The following SETBP1 variants were observed in gnomAD, a reference collection of about 807,000 sequenced individuals.
The protein encoded by SETBP1 is SET binding protein 1, also known as SET-binding protein.
In SETBP1, 9 loss-of-function variants were observed where a neutral mutation model predicts 101.0. That is an observed-to-expected ratio of 0.09 (90% confidence interval 0.05 to 0.16). The LOEUF (loss-of-function observed/expected upper bound fraction) is 0.16. Among genes scored for constraint, SETBP1 ranks in the 10% least tolerant of loss-of-function variants. The pLI is 1.00. For synonymous variants in SETBP1, 818 were observed against 788.5 expected (o/e 1.04, Z -0.63); for missense variants, 1,858 against 2,033.8 (o/e 0.91, Z 1.66).
intron 2 of SETBP1, among the ~76,000 whole-genome samples, chr18:44,722,253 G>C (rs2069616487): frequency 6.6e-6 from 1 of 152,146 alleles, no homozygotes; most frequent in African/African-American, 2.4e-5. Flanking sequence ...GGAATCCTGG[G>C]AACCTGTTTA....
At chr18:44,805,073 G>A (rs956998519) in intron 2 of SETBP1, among the ~76,000 whole-genome samples, 4 of 151,910 alleles carry the variant, frequency 2.6e-5, no homozygotes, top group African/African-American at 9.7e-5. Flanking sequence ...CTGGACTCAA[G>A]CTTCTCCCAA....
intron 1 of SETBP1, among the ~76,000 whole-genome samples, chr18:44,698,088 A>C (rs539777981): frequency 6.6e-6 from 1 of 152,340 alleles, no homozygotes; most frequent in South Asian, 2.1e-4. Context: ...GATCAGTATG[A>C]AAAGTCTGGA....
Position 44,909,529 on chromosome 18 carries a change from C to T in SETBP1, c.540+40246C>T, listed in dbSNP as rs1012990118. The stretch of plus-strand genomic sequence containing the variant: ...AGGAGGGAGTATCGTACCAATTCTG[C>T]TGCTAGGCTCAGAGTAGTCTAAAGC... On this transcript the variant is annotated intron_variant, in intron 3 of 5. Transcript: ENST00000649279. Among the ~76,000 whole-genome samples the T allele has an allele frequency of 3.9e-5, 6 of 152,318 alleles. No homozygotes were observed. The South Asian group carries it at 6.2e-4, about 16-fold the overall frequency.
intron 3 of SETBP1, among the ~76,000 whole-genome samples, chr18:44,900,725 A>G (rs1352827764): frequency 2.0e-5 from 3 of 152,192 alleles, no homozygotes; most frequent in Admixed American, 6.5e-5. Flanking sequence ...GATTGGTCCC[A>G]GTACTGTTTT....
intron 2 of SETBP1, among the ~76,000 whole-genome samples, chr18:44,735,579 A>ACAATGG (rs1330184186): frequency 1.3e-5 from 2 of 152,204 alleles, no homozygotes; most frequent in Admixed American, 6.5e-5. Flanking sequence ...AGAGAGACAG[A>ACAATGG]CAATGGCTTA....
intron 2 of SETBP1, among the ~76,000 whole-genome samples, chr18:44,746,328 G>T (rs962530839): frequency 1.3e-5 from 2 of 152,178 alleles, no homozygotes; most frequent in African/African-American, 4.8e-5. Flanking sequence ...TAGTCATAGC[G>T]TTGCTAGCTT....
intron 2 of SETBP1, among the ~76,000 whole-genome samples, chr18:44,854,749 A>G (rs1439231990): frequency 6.6e-6 from 1 of 152,144 alleles, no homozygotes; most frequent in Non-Finnish European, 1.5e-5. Flanking sequence ...TTTTCAGTGT[A>G]TCTCAAATTG....
At chr18:44,828,863 G>T (rs2072296326) in intron 2 of SETBP1, among the ~76,000 whole-genome samples, 1 of 152,254 alleles carries the variant, frequency 6.6e-6, no homozygotes, top group East Asian at 1.9e-4. Flanking sequence ...AGGACACAGG[G>T]AGAAGGCAGC....
intron 2 of SETBP1, among the ~76,000 whole-genome samples, chr18:44,710,450 GTTT>G (rs11375634): frequency 8.1e-6 from 1 of 123,406 alleles, no homozygotes; most frequent in Non-Finnish European, 1.6e-5. Flanking sequence ...CATTTTAGGA[GTTT>G]TTTTTTTTTT....
intron 2 of SETBP1, among the ~76,000 whole-genome samples, chr18:44,768,962 G>T (rs1338475016): frequency 6.6e-6 from 1 of 152,228 alleles, no homozygotes; most frequent in Admixed American, 6.5e-5. Flanking sequence ...AGTGGGACCT[G>T]TTGGGTATAA....
chr18:44,909,593 C>T (rs1021331484), intron 3 of SETBP1, among the ~76,000 whole-genome samples: 2 of 152,164 alleles, frequency 1.3e-5, no homozygotes, highest in Non-Finnish European at 1.5e-5. Flanking sequence ...CTTCTCCTGT[C>T]CCAACTATTT....
intron 2 of SETBP1, among the ~76,000 whole-genome samples, chr18:44,779,953 C>A (rs1436728942): frequency 1.3e-5 from 2 of 151,890 alleles, no homozygotes; most frequent in Admixed American, 6.6e-5. Flanking sequence ...CACGCACGCA[C>A]ACACGCATGC....
chr18:45,041,888 C>T (rs1236353745), intron 5 of SETBP1, among the ~76,000 whole-genome samples: 2 of 151,480 alleles, frequency 1.3e-5, no homozygotes, highest in Admixed American at 1.3e-4. Context: ...ACCCGGGAGG[C>T]GGAGGATGCA....
chr18:44,985,530 C>G (rs769697223), intron 4 of SETBP1, among the ~76,000 whole-genome samples: 3 of 152,158 alleles, frequency 2.0e-5, no homozygotes, highest in Non-Finnish European at 4.4e-5. Flanking sequence ...AACCAAGGAG[C>G]ACAGTCTTAT....
At position 45,063,503 on chromosome 18, in the gene SETBP1, A is replaced by G; in HGVS notation, c.4596A>G (p.Pro1532=). ...CGCCACCGCCGCCGCCCCTGCCGCC[A>G]CCGCCGCCACCACCCCTGCCCCCGC... ...LPPPPPPPLP[P]PPPPPLPPPP... The change falls in exon 6 of 6, where the codon CCA becomes CCG. Residue 1532 remains proline, a synonymous_variant. Coordinates refer to ENST00000649279, the MANE Select transcript of SETBP1 (RefSeq NM_015559.3). 2.2e-6 allele frequency: 2 copies of G among 909,232 alleles called. No homozygotes were observed. Among genetic ancestry groups the G allele is most frequent in the Non-Finnish European group, 2.7e-6 (2 of 754,556 alleles). 56.3% of individuals were successfully genotyped at this position (909,232 alleles called of 1,614,324 possible).
chr18:44,768,255 A>G (rs1321827603), intron 2 of SETBP1, among the ~76,000 whole-genome samples: 1 of 152,152 alleles, frequency 6.6e-6, no homozygotes, highest in East Asian at 1.9e-4. Context: ...CCCCACTCTA[A>G]CCATACAAGC....
At chr18:44,687,136 T>C (rs2068853121) in intron 1 of SETBP1, among the ~76,000 whole-genome samples, 2 of 152,228 alleles carry the variant, frequency 1.3e-5, no homozygotes, top group South Asian at 4.1e-4. Flanking sequence ...TGCAACTAGT[T>C]GGCCTAAGAG....
intron 2 of SETBP1, among the ~76,000 whole-genome samples, chr18:44,757,339 G>A (rs1454304142): frequency 5.3e-5 from 8 of 152,140 alleles, no homozygotes; most frequent in Non-Finnish European, 7.3e-5. Context: ...TATCTGTGTG[G>A]TCCATATACA....
At chr18:44,760,579 T>C (rs1008462663) in intron 2 of SETBP1, among the ~76,000 whole-genome samples, 1 of 152,210 alleles carries the variant, frequency 6.6e-6, no homozygotes, top group Non-Finnish European at 1.5e-5. Context: ...CTGACACACC[T>C]CCTCTTTCCT....
Sources: allele counts gnomAD v4.1 joint callset (sites outside exome capture counted in the v4.1 genomes callset), GRCh38; gene constraint gnomAD v4.1.1; transcripts MANE v1.5; gene names NCBI Gene and HGNC (gene_info 2026-07-23, HGNC 2026-07-21).